The following C10orf88 variants were observed in gnomAD, a reference collection of about 807,000 sequenced individuals.
C10orf88 encodes the protein ATPase PAAT.
In C10orf88, 29 loss-of-function variants were observed where a neutral mutation model predicts 34.2. That is an observed-to-expected ratio of 0.85 (90% CI 0.63 to 1.16). The LOEUF (loss-of-function observed/expected upper bound fraction) is 1.16, where lower values mean the gene tolerates loss of function less well. C10orf88 is among the 50% of genes most tolerant of loss of function. C10orf88 has a pLI of 0.00. For missense variants in C10orf88, 507 were observed against 533.2 expected (o/e 0.95, Z 0.48); for synonymous variants, 194 against 197.4 (o/e 0.98, Z 0.15).
At chr10:122,951,184 A>G (rs996604225) in intron 3 of C10orf88, among the ~76,000 whole-genome samples, 1 of 152,218 alleles carries the variant, frequency 6.6e-6, no homozygotes, top group Non-Finnish European at 1.5e-5. Context: ...CAACAGTCCA[A>G]TCCCTTTAAC....
Position 122,939,329 on chromosome 10 carries a change from AAAG to A in C10orf88, c.649-1173_649-1171del, listed in dbSNP as rs1848563581. Among the ~76,000 whole-genome samples, 3 of 151,712 alleles carry A rather than the reference AAAG, an allele frequency of 2.0e-5. 1 individual carries two copies. In the South Asian group the frequency reaches 6.2e-4, roughly 31 times the overall value. ...AAAAAGAGAAAGTAAGGGAAAGAGA[AAAG>A]AAGTGAAGAAGGAAGAAGAGAAAAA... is the stretch of plus-strand genomic sequence containing the variant. On this transcript the variant is annotated intron_variant, in intron 4 of 5. Coordinates refer to ENST00000481909, the MANE Select transcript of C10orf88 (RefSeq NM_024942.4).
intron 2 of C10orf88, 34 bp downstream of exon 2, chr10:122,952,795 C>T: frequency 6.2e-7 from 1 of 1,608,770 alleles, no homozygotes; most frequent in Non-Finnish European, 8.5e-7. Context: ...AACACTACTT[C>T]AGAAGAACAC....
intron 4 of C10orf88, among the ~76,000 whole-genome samples, chr10:122,943,114 C>A (rs1297674076): frequency 6.6e-6 from 1 of 151,374 alleles, no homozygotes; most frequent in African/African-American, 2.4e-5. Flanking sequence ...CACTGCCTGA[C>A]TTCAAACTAT....
At chr10:122,948,896 A>T in intron 3 of C10orf88, 41 bp from the exon 4 acceptor site, 4 of 1,529,026 alleles carry the variant, frequency 2.6e-6, no homozygotes, top group Non-Finnish European at 3.6e-6. Flanking sequence ...TGATATTAAA[A>T]ACAATAATCA....
At chr10:122,945,808 A>G (rs1420444612) in intron 4 of C10orf88, among the ~76,000 whole-genome samples, 3 of 152,166 alleles carry the variant, frequency 2.0e-5, no homozygotes, top group East Asian at 1.9e-4. Flanking sequence ...AAAAGTTACG[A>G]TAGGCTGGGC....
intron 4 of C10orf88, among the ~76,000 whole-genome samples, chr10:122,944,039 G>C (rs558242211): frequency 6.6e-6 from 1 of 151,916 alleles, no homozygotes; most frequent in South Asian, 2.1e-4. Context: ...ATACCCAAAG[G>C]ATTATAAATC....
chr10:122,935,418 T>C (rs1336406765), intron 5 of C10orf88, among the ~76,000 whole-genome samples: 1 of 152,032 alleles, frequency 6.6e-6, no homozygotes, highest in Non-Finnish European at 1.5e-5. Flanking sequence ...TCTACCTGTA[T>C]TGAATTATTT....
At chr10:122,941,123 A>T (rs1218960470) in intron 4 of C10orf88, among the ~76,000 whole-genome samples, 1 of 152,102 alleles carries the variant, frequency 6.6e-6, no homozygotes, top group Non-Finnish European at 1.5e-5. Context: ...TTGAAGGAGA[A>T]AAAAGCAAGA....
At chr10:122,953,178 C>A in intron 1 of C10orf88, 146 bp from the exon 2 acceptor site, 1 of 658,526 alleles carries the variant, frequency 1.5e-6, no homozygotes, top group East Asian at 2.8e-5. Flanking sequence ...TCCGGGTTCA[C>A]GCCATTCTCC....
At chr10:122,947,846 T>C (rs1174201461) in intron 4 of C10orf88, among the ~76,000 whole-genome samples, 1 of 152,194 alleles carries the variant, frequency 6.6e-6, no homozygotes, top group Non-Finnish European at 1.5e-5. Context: ...TTAAGTTAGC[T>C]GTCAAGTCCC....
intron 4 of C10orf88, among the ~76,000 whole-genome samples, chr10:122,946,629 T>A (rs1848643268): frequency 1.3e-5 from 2 of 152,106 alleles, no homozygotes; most frequent in African/African-American, 4.8e-5. Flanking sequence ...TGTCTTTTAG[T>A]GAGATAAACA....
At chr10:122,945,017 T>C (rs1329543639) in intron 4 of C10orf88, among the ~76,000 whole-genome samples, 1 of 150,502 alleles carries the variant, frequency 6.6e-6, no homozygotes, top group African/African-American at 2.4e-5. Context: ...TATATGTATA[T>C]AGATATATGC....
intron 1 of C10orf88, among the ~76,000 whole-genome samples, chr10:122,953,508 A>G (rs1014466844): frequency 1.3e-5 from 2 of 151,956 alleles, no homozygotes; most frequent in Admixed American, 6.6e-5. Flanking sequence ...CCCAAACTCT[A>G]TTTTTTCCTC....
chr10:122,945,696 A>T (rs1292202109), intron 4 of C10orf88, among the ~76,000 whole-genome samples: 1 of 152,232 alleles, frequency 6.6e-6, no homozygotes, highest in Non-Finnish European at 1.5e-5. Flanking sequence ...AAGGATATAA[A>T]GAAACCAAAT....
chr10:122,932,754 T>C (rs962982202), intron 5 of C10orf88, 93 bp from the exon 6 acceptor site: 2 of 845,552 alleles, frequency 2.4e-6, no homozygotes, highest in East Asian at 5.3e-5. Flanking sequence ...TTGCTGAGAT[T>C]TGTCTCCACA....
intron 4 of C10orf88, among the ~76,000 whole-genome samples, chr10:122,948,031 A>T (rs1474672315): frequency 6.6e-6 from 1 of 152,144 alleles, no homozygotes; most frequent in Admixed American, 6.5e-5. Flanking sequence ...AATTTCTTGA[A>T]ACATAAGTCA....
chr10:122,941,527 T>C (rs1455307664), intron 4 of C10orf88, among the ~76,000 whole-genome samples: 8 of 152,136 alleles, frequency 5.3e-5, no homozygotes, highest in Non-Finnish European at 1.2e-4. Flanking sequence ...TCACACCACT[T>C]ACACGGAAGG....
intron 4 of C10orf88, 23 bp downstream of exon 4, chr10:122,948,626 G>A: frequency 6.2e-7 from 1 of 1,601,286 alleles, no homozygotes; most frequent in African/African-American, 1.3e-5. Context: ...ATGTTATCTG[G>A]AAAGAAATCC....
chr10:122,941,579 A>G (rs952254816), intron 4 of C10orf88, among the ~76,000 whole-genome samples: 2 of 152,098 alleles, frequency 1.3e-5, no homozygotes, highest in Non-Finnish European at 2.9e-5. Flanking sequence ...ATGTGCAGAA[A>G]GTTACACAGC....
Sources: gnomAD v4.1 joint callset for allele counts (sites outside exome capture counted in the v4.1 genomes callset) on GRCh38, gnomAD v4.1.1 for gene constraint, MANE v1.5 for transcripts, NCBI Gene and HGNC (gene_info 2026-07-23, HGNC 2026-07-21) for gene names.